The following UFL1 variants were observed in gnomAD, a reference collection of about 807,000 sequenced individuals.
UFL1 encodes the protein UFM1 specific ligase 1, also known as E3 UFM1-protein ligase 1.
A neutral mutation model predicts 99.3 loss-of-function variants in UFL1; 78 were observed. The ratio of observed to expected loss-of-function variants is 0.79; its 90% CI spans 0.65 to 0.95. The LOEUF (loss-of-function observed/expected upper bound fraction) is 0.95. Among genes scored for constraint, UFL1 ranks in the 40% least tolerant of loss-of-function variants. The pLI is 0.00. For missense variants in UFL1, 936 were observed against 937.0 expected, an observed-to-expected ratio of 1.00 and a Z score of 0.01; for synonymous variants, 335 against 322.2, an observed-to-expected ratio of 1.04 and a Z score of -0.42.
intron 2 of UFL1, 137 bp from the exon 3 acceptor site, chr6:96,524,245 G>C: frequency 1.4e-6 from 1 of 707,712 alleles, no homozygotes; most frequent in Non-Finnish European, 2.3e-6. Context: ...CTAATGGTGT[G>C]TATTTGAAGA....
At position 96,551,885 on chromosome 6, in the gene UFL1, T is replaced by A; in HGVS notation, c.1947T>A (p.Cys649Ter). ...GTCTGGATTCTGCAGCAGAAGCTTG[T>A]GATATTATGGTGAAAAGGGGAGACA... ...ISCLDSAAEA[C>*]DIMVKRGDKK... Residue 649 changes from cysteine to a stop codon, truncating the protein, a stop_gained, in exon 17 of 19, where the codon TGT becomes TGA. Transcript: ENST00000369278. LOFTEE classifies it high-confidence loss of function. The A allele has an allele frequency of 6.2e-7, 1 of 1,610,038 alleles. No individual in the cohort carries two copies. The highest frequency in any genetic ancestry group is 8.5e-7 in the Non-Finnish European group (1 of 1,177,550).
intron 6 of UFL1, among the ~76,000 whole-genome samples, chr6:96,529,502 G>C (rs1365974595): frequency 6.6e-6 from 1 of 152,050 alleles, no homozygotes; most frequent in Admixed American, 6.5e-5. Context: ...AAGTCTAATG[G>C]ATACTTTCCG....
At chr6:96,552,044 T>A in intron 17 of UFL1, 121 bp downstream of exon 17, 2 of 637,364 alleles carry the variant, frequency 3.1e-6, no homozygotes, top group Admixed American at 3.0e-5. Context: ...GTCTAATATA[T>A]CTAAATGGCT....
At position 96,549,699 on chromosome 6, in the gene UFL1, T is replaced by TG; in HGVS notation, c.1719dup (p.Leu574AlafsTer7). On this transcript the variant is annotated frameshift_variant, in exon 15 of 19. Coordinates refer to ENST00000369278, the MANE Select transcript of UFL1 (RefSeq NM_015323.5). LOFTEE classifies it high-confidence loss of function. ...ACACAGGCTGCTCTTACCAAACACT[T>TG]GCTGAAGTCAGTGTGTACTGATATC... The TG allele has an allele frequency of 6.2e-7, 1 of 1,611,994 alleles. No individual in the cohort carries two copies. The highest frequency in any genetic ancestry group is 1.1e-5 in the South Asian group (1 of 90,860).
intron 6 of UFL1, among the ~76,000 whole-genome samples, chr6:96,529,657 C>T (rs905037485): frequency 6.6e-6 from 1 of 152,190 alleles, no homozygotes; most frequent in Non-Finnish European, 1.5e-5. Context: ...CTCTTTCTTT[C>T]ACTATCCTTT....
rs545684749 is a variant in UFL1 at position 96,521,956 on chromosome 6, C to G, written c.77+6C>G. On this transcript the variant is annotated splice_donor_region_variant and intron_variant, in intron 1 of 18. Transcript: ENST00000369278. ...TTCGCCGAGGCCACGCAGAGGTGCC[C>G]GACCCTCCCTCTCCTTTGTGGAGCC... 9 of 1,610,470 alleles carry G rather than the reference C, an allele frequency of 5.6e-6. No individual in the cohort carries two copies. The South Asian group carries it at 8.9e-5, about 16-fold the overall frequency.
At chr6:96,530,659 T>C (rs1341311131) in intron 6 of UFL1, among the ~76,000 whole-genome samples, 1 of 152,196 alleles carries the variant, frequency 6.6e-6, no homozygotes, top group Non-Finnish European at 1.5e-5. Context: ...CGCCTGCAGG[T>C]TGCCTTTTGC....
intron 9 of UFL1, among the ~76,000 whole-genome samples, 174 bp downstream of exon 9, chr6:96,537,723 A>C (rs1469764566): frequency 2.6e-5 from 4 of 151,846 alleles, no homozygotes; most frequent in Admixed American, 2.6e-4. Context: ...GTGACCTTCT[A>C]CATGTGGACA....
intron 5 of UFL1, among the ~76,000 whole-genome samples, chr6:96,528,175 G>T (rs1769729333): frequency 6.6e-6 from 1 of 152,162 alleles, no homozygotes. Flanking sequence ...CCTATATCTA[G>T]AAACCATCAT....
At chr6:96,525,263 C>G (rs1221226783) in intron 3 of UFL1, 34 bp from the exon 4 acceptor site, 2 of 1,430,552 alleles carry the variant, frequency 1.4e-6, no homozygotes, top group Non-Finnish European at 1.9e-6. Flanking sequence ...ACAATACAAA[C>G]TAATCATTAA....
At chr6:96,538,840 C>T (rs1398616249) in intron 10 of UFL1, 30 bp downstream of exon 10, 3 of 1,545,718 alleles carry the variant, frequency 1.9e-6, no homozygotes, top group Non-Finnish European at 2.6e-6. Context: ...ATCTGCTAAT[C>T]TTAATAATAT....
At chr6:96,549,194 CTT>C (rs1207519924) in intron 13 of UFL1, among the ~76,000 whole-genome samples, 2 of 151,580 alleles carry the variant, frequency 1.3e-5, no homozygotes, top group African/African-American at 4.8e-5. Context: ...ATTGCAGTAA[CTT>C]TGAATACTTT....
chr6:96,535,406 T>G (rs1481085830), intron 7 of UFL1, among the ~76,000 whole-genome samples: 1 of 152,036 alleles, frequency 6.6e-6, no homozygotes, highest in African/African-American at 2.4e-5. Flanking sequence ...ATGGTTTAAA[T>G]AAAAATATAA....
rs989547127 is a variant in UFL1 at position 96,555,122 on chromosome 6, T to TAAAG, written c.*1622_*1625dup. The TAAAG allele has an allele frequency of 3.3e-5, 5 of 152,468 alleles. No homozygotes were observed. Among genetic ancestry groups the TAAAG allele is most frequent in the African/African-American group, 4.8e-5 (2 of 41,466 alleles). The allele number at this position is 152,468 out of a possible 1,614,324, so 9.4% of individuals were successfully genotyped here. A position where few individuals can be genotyped will look rare whatever the true frequency, so the allele number is the denominator to read the frequency against. ...CAAAATGCTTCTTTTGTTGCCACAG[T>TAAAG]AAAGAACAGTTTTTATTGTTTTGTA... On this transcript the variant is annotated 3_prime_UTR_variant, in exon 19 of 19. Transcript: ENST00000369278.
chr6:96,530,814 C>T (rs1769772587), intron 6 of UFL1, among the ~76,000 whole-genome samples: 1 of 152,158 alleles, frequency 6.6e-6, no homozygotes, highest in South Asian at 2.1e-4. Flanking sequence ...GATTTAGAAA[C>T]CAAGATCTGG....
intron 9 of UFL1, among the ~76,000 whole-genome samples, chr6:96,538,191 G>A (rs530778473): frequency 8.6e-5 from 13 of 151,870 alleles, no homozygotes; most frequent in African/African-American, 3.1e-4. Flanking sequence ...GGATATGGTA[G>A]CCAGACAAGC....
intron 5 of UFL1, among the ~76,000 whole-genome samples, chr6:96,527,106 G>T (rs1769714897): frequency 6.6e-6 from 1 of 151,996 alleles, no homozygotes; most frequent in African/African-American, 2.4e-5. Flanking sequence ...TGAAAACATA[G>T]GCTATTTTCT....
chr6:96,536,973 CATAT>C (rs71785495), intron 8 of UFL1, among the ~76,000 whole-genome samples: 1 of 149,914 alleles, frequency 6.7e-6, no homozygotes, highest in African/African-American at 2.4e-5. Flanking sequence ...AAACAATTAG[CATAT>C]ATATATATAA....
chr6:96,543,625 A>G (rs1263211249), intron 12 of UFL1, among the ~76,000 whole-genome samples: 1 of 151,180 alleles, frequency 6.6e-6, no homozygotes, highest in Non-Finnish European at 1.5e-5. Context: ...TGGTTATGAC[A>G]AAAAGGATGA....
Sources: allele counts gnomAD v4.1 joint callset (sites outside exome capture counted in the v4.1 genomes callset), GRCh38; gene constraint gnomAD v4.1.1; transcripts MANE v1.5; gene names NCBI Gene and HGNC (gene_info 2026-07-23, HGNC 2026-07-21).